Variants in PAK1 observed in about 807,000 individuals in gnomAD.
PAK1 encodes the protein serine/threonine-protein kinase PAK 1.
A neutral mutation model predicts 67.4 loss-of-function variants in PAK1; 29 were observed. That is an observed-to-expected ratio of 0.43 (90% CI 0.32 to 0.59). The LOEUF is 0.59. Ranked by LOEUF, PAK1 falls within the 20% of genes least tolerant of loss-of-function variation. PAK1 has a pLI of 0.07. For missense variants in PAK1, 337 were observed against 670.7 expected (o/e 0.50, Z 5.50); for synonymous variants, 223 against 237.4 (o/e 0.94, Z 0.56).
intron 13 of PAK1, among the ~76,000 whole-genome samples, chr11:77,334,176 A>T (rs1942248531): frequency 6.8e-6 from 1 of 147,234 alleles, no homozygotes; most frequent in Non-Finnish European, 1.5e-5. Flanking sequence ...CTCAAAAAAA[A>T]AAATAAAATA....
intron 5 of PAK1, among the ~76,000 whole-genome samples, chr11:77,363,667 C>A (rs577283160): frequency 7.9e-5 from 12 of 152,224 alleles, no homozygotes; most frequent in African/African-American, 2.9e-4. Flanking sequence ...ATAATCTGTC[C>A]TTTATCTTTT....
chr11:77,459,600 C>A (rs1470288179), intron 1 of PAK1, among the ~76,000 whole-genome samples: 2 of 151,278 alleles, frequency 1.3e-5, no homozygotes, highest in African/African-American at 4.9e-5. Flanking sequence ...AACCAAGAGT[C>A]AAATAAATAC....
At chr11:77,503,785 G>A in the PAK1 span, among the ~76,000 whole-genome samples, 11 of 152,302 alleles carry the variant, frequency 7.2e-5, no homozygotes, top group Middle Eastern at 3.4e-3. Flanking sequence ...CCAGAAAGTC[G>A]AGGTTGCAGT....
intron 1 of PAK1, among the ~76,000 whole-genome samples, chr11:77,417,766 C>T (rs1592396647): frequency 6.7e-6 from 1 of 150,122 alleles, no homozygotes; most frequent in Non-Finnish European, 1.5e-5. Context: ...CAGAGTTTCA[C>T]TCCTGTTGCC....
chr11:77,494,049 G>A, the PAK1 span, among the ~76,000 whole-genome samples: 2 of 152,124 alleles, frequency 1.3e-5, no homozygotes, highest in African/African-American at 4.8e-5. Flanking sequence ...TAAATTTATC[G>A]GAAGGTACTT....
chr11:77,409,103 A>G (rs1335317828), intron 1 of PAK1, among the ~76,000 whole-genome samples: 1 of 142,928 alleles, frequency 7.0e-6, no homozygotes, highest in Non-Finnish European at 1.6e-5. Context: ...CACTTCTAAA[A>G]AAAAAAAATT....
upstream of PAK1, among the ~76,000 whole-genome samples, chr11:77,477,415 CA>C (rs1157790238): frequency 2.0e-5 from 3 of 151,968 alleles, no homozygotes; most frequent in Non-Finnish European, 4.4e-5. Flanking sequence ...GTGGCCTATA[CA>C]TACATTTAAG....
intron 9 of PAK1, among the ~76,000 whole-genome samples, chr11:77,345,194 T>A (rs1037726605): frequency 6.6e-6 from 1 of 152,172 alleles, no homozygotes; most frequent in Admixed American, 6.5e-5. Flanking sequence ...ATTGAGAGGT[T>A]TGAGGGCTTG....
intron 1 of PAK1, among the ~76,000 whole-genome samples, chr11:77,447,008 A>G (rs1386934089): frequency 6.6e-6 from 1 of 152,198 alleles, no homozygotes; most frequent in Non-Finnish European, 1.5e-5. Flanking sequence ...CTTCACCTGG[A>G]AAGAATCACT....
intron 14 of PAK1, among the ~76,000 whole-genome samples, chr11:77,330,847 C>G (rs1565575103): frequency 6.6e-6 from 1 of 152,070 alleles, no homozygotes; most frequent in African/African-American, 2.4e-5. Context: ...AGTGAACAGG[C>G]AACCTACAGG....
At chr11:77,356,958 C>A (rs992887363) in intron 6 of PAK1, among the ~76,000 whole-genome samples, 7 of 152,312 alleles carry the variant, frequency 4.6e-5, no homozygotes, top group Admixed American at 1.3e-4. Context: ...TCACAATTAT[C>A]TTTTGCATAG....
chr11:77,505,879 A>G, the PAK1 span, among the ~76,000 whole-genome samples: 2 of 152,338 alleles, frequency 1.3e-5, no homozygotes, highest in African/African-American at 4.8e-5. Flanking sequence ...TAGAAGTAAG[A>G]GCAGGTCCTA....
At chr11:77,339,064 T>C (rs1943176997) in intron 11 of PAK1, among the ~76,000 whole-genome samples, 1 of 152,146 alleles carries the variant, frequency 6.6e-6, no homozygotes, top group East Asian at 1.9e-4. Flanking sequence ...ATACTCTAAA[T>C]GGGTGAATTA....
chr11:77,500,678 C>G, the PAK1 span, among the ~76,000 whole-genome samples: 2 of 151,544 alleles, frequency 1.3e-5, no homozygotes, highest in Non-Finnish European at 2.9e-5. Context: ...AGACTTGTCT[C>G]CACACACACA....
intron 1 of PAK1, among the ~76,000 whole-genome samples, chr11:77,447,008 A>C (rs1386934089): frequency 6.6e-6 from 1 of 152,198 alleles, no homozygotes; most frequent in African/African-American, 2.4e-5. Context: ...CTTCACCTGG[A>C]AAGAATCACT....
the PAK1 span, among the ~76,000 whole-genome samples, chr11:77,494,447 C>T: frequency 1.3e-5 from 2 of 152,184 alleles, no homozygotes; most frequent in Admixed American, 6.5e-5. Flanking sequence ...AGGCTGGTAT[C>T]GAACTCCTGG....
intron 12 of PAK1, 88 bp from the exon 13 acceptor site, chr11:77,336,370 C>A: frequency 1.0e-6 from 1 of 955,158 alleles, no homozygotes; most frequent in Non-Finnish European, 1.6e-6. Flanking sequence ...ACATAGGTGA[C>A]AAGATCCGCC....
intron 1 of PAK1, among the ~76,000 whole-genome samples, chr11:77,436,236 G>GA (rs1278593420): frequency 2.0e-5 from 3 of 152,144 alleles, no homozygotes; most frequent in African/African-American, 7.2e-5. Context: ...GCCACACCAG[G>GA]ATATCACTGG....
chr11:77,404,175 GAC>G (rs1194713033), intron 1 of PAK1, among the ~76,000 whole-genome samples: 1 of 152,140 alleles, frequency 6.6e-6, no homozygotes, highest in Non-Finnish European at 1.5e-5. Flanking sequence ...AATAGGCTAA[GAC>G]ACTTTCCTAC....
Sources: allele counts gnomAD v4.1 joint callset (sites outside exome capture counted in the v4.1 genomes callset), GRCh38; gene constraint gnomAD v4.1.1; transcripts MANE v1.5; gene names NCBI Gene and HGNC (gene_info 2026-07-23, HGNC 2026-07-21).